The following PTPRN2 variants were observed in gnomAD, a reference collection of about 807,000 sequenced individuals.
PTPRN2 encodes the protein protein tyrosine phosphatase receptor type N2.
PTPRN2 carries 74 observed loss-of-function variants against 118.8 expected under a neutral mutation model. The observed-to-expected ratio is 0.62, with a 90% CI of 0.52 to 0.76. The LOEUF (loss-of-function observed/expected upper bound fraction) is 0.76, where lower values mean the gene tolerates loss of function less well. Ranked by LOEUF, PTPRN2 falls within the 30% of genes least tolerant of loss-of-function variation. PTPRN2 has a pLI of 0.00. For missense variants in PTPRN2, 1,481 were observed against 1,394.4 expected (o/e 1.06, Z -0.99); for synonymous variants, 641 against 608.0 (o/e 1.05, Z -0.80).
intron 2 of PTPRN2, among the ~76,000 whole-genome samples, chr7:158,317,406 C>T (rs112021170): frequency 0.028 from 4,239 of 152,340 alleles, 82 homozygotes; most frequent in Non-Finnish European, 0.045. Context: ...GGGAGGCAAG[C>T]ACGGCTTCCC....
At chr7:157,720,582 T>C (rs1385721732) in intron 12 of PTPRN2, among the ~76,000 whole-genome samples, 1 of 152,202 alleles carries the variant, frequency 6.6e-6, no homozygotes, top group Non-Finnish European at 1.5e-5. Context: ...GATGCATGGG[T>C]GTGCACGCGG....
rs570253134 is a variant in PTPRN2 at position 158,144,598 on chromosome 7, C to T, written c.911-6083G>A. 5.9e-5 allele frequency among the ~76,000 whole-genome samples: 9 copies of T among 152,222 alleles called. 1 individual carries two copies. The highest frequency in any genetic ancestry group is 2.2e-4 in the African/African-American group (9 of 41,538). ...AGGTTGCAGTGAGCTAAGATTGTGC[C>T]ACTGCACTCCAGCCTGGGCGATAGA... On this transcript the variant is annotated intron_variant, in intron 6 of 22. Transcript: ENST00000389418.
chr7:158,260,672 C>T (rs1797338262), intron 3 of PTPRN2, among the ~76,000 whole-genome samples: 1 of 152,314 alleles, frequency 6.6e-6, no homozygotes, highest in East Asian at 1.9e-4. Flanking sequence ...CACACAAACA[C>T]AAACTGGCTG....
chr7:158,227,933 A>G (rs777369160), intron 3 of PTPRN2, among the ~76,000 whole-genome samples: 3 of 151,318 alleles, frequency 2.0e-5, no homozygotes, highest in Non-Finnish European at 1.5e-5. Flanking sequence ...ACTCCTTGAC[A>G]TGGTTTTAAC....
At chr7:157,858,756 CT>C (rs1809978100) in intron 12 of PTPRN2, among the ~76,000 whole-genome samples, 3 of 1,946 alleles carry the variant, frequency 1.5e-3, no homozygotes, top group Non-Finnish European at 2.4e-3. Flanking sequence ...CAGGGAGAGC[CT>C]CCCAGCCACC....
At chr7:158,100,455 T>G (rs185811579) in intron 10 of PTPRN2, among the ~76,000 whole-genome samples, 2 of 152,346 alleles carry the variant, frequency 1.3e-5, no homozygotes, top group Admixed American at 1.3e-4. Flanking sequence ...GTAGTTCTTT[T>G]AGTTCTTTAA....
intron 12 of PTPRN2, among the ~76,000 whole-genome samples, chr7:157,853,562 C>T (rs1450967373): frequency 3.3e-5 from 5 of 152,076 alleles, no homozygotes; most frequent in Admixed American, 1.3e-4. Flanking sequence ...CCCAGGCCCA[C>T]GGTCTTGGGG....
intron 2 of PTPRN2, among the ~76,000 whole-genome samples, chr7:158,390,705 C>A (rs1388374298): frequency 1.3e-5 from 2 of 152,188 alleles, no homozygotes; most frequent in Non-Finnish European, 2.9e-5. Flanking sequence ...CCACCAGCCC[C>A]TCAGCTCTCA....
At chr7:158,346,533 G>C (rs1116484) in intron 2 of PTPRN2, among the ~76,000 whole-genome samples, 132,850 of 152,248 alleles carry the variant, frequency 0.87, 58,850 homozygotes, top group Non-Finnish European at 0.95. Context: ...TGGACATTTA[G>C]GTTGATTCTA....
chr7:158,469,826 T>C (rs1819714641), intron 2 of PTPRN2, among the ~76,000 whole-genome samples: 1 of 151,758 alleles, frequency 6.6e-6, no homozygotes, highest in African/African-American at 2.4e-5. Flanking sequence ...TCTGTCCTAT[T>C]GCATCACAAT....
At chr7:158,258,908 T>C (rs930772987) in intron 3 of PTPRN2, among the ~76,000 whole-genome samples, 1 of 152,100 alleles carries the variant, frequency 6.6e-6, no homozygotes, top group African/African-American at 2.4e-5. Context: ...TCGTGCTGGG[T>C]AGACACACCG....
intron 2 of PTPRN2, 67 bp from the exon 3 acceptor site, chr7:158,316,999 A>G: frequency 1.6e-6 from 2 of 1,238,786 alleles, no homozygotes; most frequent in South Asian, 1.4e-5. Flanking sequence ...AAGGTGTCAC[A>G]CACGTCCTTG....
intron 22 of PTPRN2, among the ~76,000 whole-genome samples, chr7:157,542,970 A>G (rs1585005448): frequency 6.6e-6 from 1 of 152,036 alleles, no homozygotes; most frequent in African/African-American, 2.4e-5. Flanking sequence ...GGGATGTAGC[A>G]CCCAAGCCCT....
At chr7:157,677,931 T>C (rs1276993375) in intron 13 of PTPRN2, among the ~76,000 whole-genome samples, 2 of 152,228 alleles carry the variant, frequency 1.3e-5, no homozygotes, top group Non-Finnish European at 2.9e-5. Context: ...GCCTGGAGTC[T>C]GTTCCCGGAC....
chr7:157,717,701 C>T (rs1438101909), intron 12 of PTPRN2, among the ~76,000 whole-genome samples: 2 of 152,286 alleles, frequency 1.3e-5, no homozygotes, highest in African/African-American at 2.4e-5. Flanking sequence ...CTGCTCCTTG[C>T]TGCAGGACCG....
chr7:158,215,458 A>G (rs1827890813), intron 3 of PTPRN2, among the ~76,000 whole-genome samples: 1 of 152,236 alleles, frequency 6.6e-6, no homozygotes, highest in South Asian at 2.1e-4. Flanking sequence ...AAAGGTACTC[A>G]GAAAAATAAT....
Position 158,303,739 on chromosome 7 carries a change from T to C in PTPRN2, c.277+13080A>G, listed in dbSNP as rs2151053696. On this transcript the variant is annotated intron_variant, in intron 3 of 22. Coordinates refer to ENST00000389418, the MANE Select transcript of PTPRN2 (RefSeq NM_002847.5). ...TAGGAGATGCTGATGGCAGGCCTCA[T>C]ATGAGACAAATCAATTCAGAATCTT... 2.0e-5 allele frequency among the ~76,000 whole-genome samples: 3 copies of C among 152,360 alleles called. No individual in the cohort carries two copies. In the East Asian group the frequency reaches 5.8e-4, roughly 29 times the overall value.
In PTPRN2 at chr7:157,861,479, G is replaced by A. The variant is rs556324931; in HGVS notation, c.1788+37194C>T. Among the ~76,000 whole-genome samples the A allele has an allele frequency of 2.3e-4, 35 of 152,320 alleles. No homozygotes were observed. In the South Asian group the frequency reaches 5.6e-3, roughly 24 times the overall value. On this transcript the variant is annotated intron_variant, in intron 12 of 22. Transcript: ENST00000389418. This position sits in a 1 kb window ranked among gnomAD's most constrained non-coding sequence, Gnocchi z 5.8. ...CTCCTGCCCTCGGACATGCTGGCCCGCCCTCCCTGAGTCTTGCAGGGCCCA... is the reference window on the plus strand; with the variant it reads ...CTCCTGCCCTCGGACATGCTGGCCCACCCTCCCTGAGTCTTGCAGGGCCCA...
At chr7:157,798,992 G>A (rs1805053686) in intron 12 of PTPRN2, among the ~76,000 whole-genome samples, 1 of 152,162 alleles carries the variant, frequency 6.6e-6, no homozygotes, top group South Asian at 2.1e-4. Flanking sequence ...TACCACCCCT[G>A]TGACTAGGGT....
Sources: gnomAD v4.1 joint callset for allele counts (sites outside exome capture counted in the v4.1 genomes callset) on GRCh38, gnomAD v4.1.1 for gene constraint, Gnocchi (gnomAD v3.1) non-coding constraint, MANE v1.5 for transcripts, NCBI Gene and HGNC (gene_info 2026-07-23, HGNC 2026-07-21) for gene names.